HGS: variants seen among roughly 807,000 people sequenced by gnomAD.
HGS encodes the protein human growth factor-regulated tyrosine kinase substrate.
HGS carries 63 observed loss-of-function variants against 109.7 expected under a neutral mutation model. That is an observed-to-expected ratio of 0.57 (90% confidence interval 0.47 to 0.71). HGS has a LOEUF of 0.71. Ranked by LOEUF, HGS falls within the 30% of genes least tolerant of loss-of-function variation. The pLI is 0.00. For synonymous variants in HGS, 546 were observed against 437.3 expected (o/e 1.25, Z -3.10); for missense variants, 995 against 1,068.3 (o/e 0.93, Z 0.96).
chr17:81,685,666 C>T lies in HGS; in HGVS notation c.99C>T (p.Asp33=). ...TDWESILQIC[D]LIRQGDTQAK... ...GGGAGTCCATTTTGCAGATCTGCGA[C>T]CTGATCCGCCAAGGGGACACACAGT... The change falls in exon 2 of 22, where the codon GAC becomes GAT. Residue 33 remains aspartate, a synonymous_variant. Transcript: ENST00000329138. The T allele has an allele frequency of 2.5e-6, 4 of 1,612,354 alleles. No individual in the cohort carries two copies. Among genetic ancestry groups the T allele is most frequent in the Non-Finnish European group, 3.4e-6 (4 of 1,179,368 alleles).
rs770362396 is a variant in HGS, at chr17:81,701,029, C to T, written c.2137-16C>T. On this transcript the variant is annotated splice_polypyrimidine_tract_variant and intron_variant, in intron 20 of 21. Coordinates refer to ENST00000329138, the MANE Select transcript of HGS (RefSeq NM_004712.5). ...CACAGGGCTACTCTCTCACATCTGA[C>T]GTCTTCTCACAACAGAATCTCATGA... is the stretch of plus-strand genomic sequence containing the variant. 1.4e-5 allele frequency: 22 copies of T among 1,608,372 alleles called. No homozygotes were observed. In the South Asian group the frequency reaches 1.9e-4, roughly 14 times the overall value.
At chr17:81,687,984 A>G (rs2037006385) in intron 4 of HGS, among the ~76,000 whole-genome samples, 1 of 152,170 alleles carries the variant, frequency 6.6e-6, no homozygotes, top group Non-Finnish European at 1.5e-5. Flanking sequence ...GAGCTCCTTC[A>G]GTCAGGCTGC....
At position 81,701,036 on chromosome 17, in the gene HGS, T is replaced by C; in HGVS notation, c.2137-9T>C. ...CTACTCTCTCACATCTGACGTCTTC[T>C]CACAACAGAATCTCATGACCACCCT... On this transcript the variant is annotated splice_polypyrimidine_tract_variant and intron_variant, in intron 20 of 21. Transcript: ENST00000329138. 6.2e-7 allele frequency: 1 copy of C among 1,613,010 alleles called. No homozygotes were observed. The highest frequency in any genetic ancestry group is 8.5e-7 in the Non-Finnish European group (1 of 1,179,146).
chr17:81,701,904 G>T lies in HGS; in HGVS notation c.*286G>T, dbSNP rs2037243784. ...GGTCATGGTCTGTGAGAGGTGGCAG[G>T]AATGGGGACCCTCACCCCCCAAGCA... is the stretch of plus-strand genomic sequence containing the variant. On this transcript the variant is annotated 3_prime_UTR_variant, in exon 22 of 22. Transcript: ENST00000329138. 3.1e-6 allele frequency: 1 copy of T among 317,718 alleles called. No individual in the cohort carries two copies. The allele number at this position is 317,718 out of a possible 1,614,324, so 19.7% of individuals were successfully genotyped here.
chr17:81,690,521 G>A, intron 6 of HGS, 153 bp from the exon 7 acceptor site: 1 of 702,342 alleles, frequency 1.4e-6, no homozygotes, highest in African/African-American at 1.8e-5. Context: ...TTCACCCCAG[G>A]CCACGCCGCT....
At chr17:81,693,838 C>G in intron 10 of HGS, 32 bp from the exon 11 acceptor site, 1 of 1,574,592 alleles carries the variant, frequency 6.4e-7, no homozygotes, top group Non-Finnish European at 8.6e-7. Context: ...GTCACGTGCA[C>G]CCAAGTGACG....
intron 18 of HGS, 151 bp downstream of exon 18, chr17:81,697,149 G>A (rs1212825640): frequency 1.8e-5 from 15 of 848,902 alleles, no homozygotes; most frequent in Admixed American, 9.1e-5. Context: ...CCATGCAAAC[G>A]CACTCACACA....
intron 1 of HGS, 61 bp downstream of exon 1, chr17:81,684,164 A>C (rs1004662735): frequency 1.5e-6 from 2 of 1,378,246 alleles, no homozygotes; most frequent in Non-Finnish European, 1.9e-6. Flanking sequence ...CCCGGCGCTG[A>C]GTCAGCGCGG....
At chr17:81,701,375 T>C (rs1351218251) in intron 21 of HGS, 133 bp from the exon 22 acceptor site, 2 of 1,033,734 alleles carry the variant, frequency 1.9e-6, no homozygotes, top group Admixed American at 5.0e-5. Flanking sequence ...CCGCATGAGC[T>C]GGCTGCATGA....
chr17:81,689,649 G>A (rs1398559576), intron 5 of HGS, among the ~76,000 whole-genome samples: 3 of 152,178 alleles, frequency 2.0e-5, no homozygotes, highest in East Asian at 3.8e-4. Flanking sequence ...GGAGTTGGAC[G>A]CTTGCCCTGT....
intron 21 of HGS, 54 bp downstream of exon 21, chr17:81,701,185 A>G (rs961138132): frequency 2.1e-5 from 31 of 1,497,754 alleles, no homozygotes; most frequent in Middle Eastern, 1.7e-4. Context: ...CTCAGGCTTC[A>G]CGGTTTAGCA....
At chr17:81,701,250 A>C in intron 21 of HGS, 119 bp downstream of exon 21, 1 of 948,624 alleles carries the variant, frequency 1.1e-6, no homozygotes, top group Non-Finnish European at 1.6e-6. Context: ...ACAGGGGGAG[A>C]CGCATACCCG....
chr17:81,694,732 TCTGTCGCACTGGGGACATCC>T lies in HGS; in HGVS notation c.937-77_937-58del, dbSNP rs1413433706. On this transcript the variant is annotated intron_variant, in intron 11 of 21. Coordinates refer to ENST00000329138, the MANE Select transcript of HGS (RefSeq NM_004712.5). ...CAGGCTGCGGCTCTGGTCTCCAGGA[TCTGTCGCACTGGGGACATCC>T]CTGTCCCTGCCGAAGCAACTGGCTC... 1.9e-6 allele frequency: 3 copies of T among 1,554,150 alleles called. No individual in the cohort carries two copies. The African/African-American group carries it at 4.1e-5, about 21-fold the overall frequency.
rs1555700946 is a variant in HGS at position 81,701,632 on chromosome 17, C to T, written c.*14C>T. On this transcript the variant is annotated 3_prime_UTR_variant, in exon 22 of 22. Coordinates refer to ENST00000329138, the MANE Select transcript of HGS (RefSeq NM_004712.5). ...TCATTCGACTGACCCAGGCCATGCT[C>T]ACGTCCGGAGTAACACTACATACAG... 9 of 1,547,152 alleles carry T rather than the reference C, an allele frequency of 5.8e-6. No homozygotes were observed. The highest frequency in any genetic ancestry group is 5.6e-5 in the Admixed American group (3 of 53,396).
chr17:81,685,334 G>A (rs1199754800), intron 1 of HGS, among the ~76,000 whole-genome samples: 1 of 152,172 alleles, frequency 6.6e-6, no homozygotes, highest in Non-Finnish European at 1.5e-5. Flanking sequence ...CAGTGCCCTC[G>A]CCTCTCTGCT....
rs754045134 is a variant in HGS, at chr17:81,693,629, C to A, written c.742-25C>A. 5.8e-6 allele frequency: 9 copies of A among 1,548,218 alleles called. No individual in the cohort carries two copies. In the South Asian group the frequency reaches 9.4e-5, roughly 16 times the overall value. On this transcript the variant is annotated intron_variant, in intron 9 of 21. Coordinates refer to ENST00000329138, the MANE Select transcript of HGS (RefSeq NM_004712.5). Reference sequence around the variant, plus strand: ...TGGGCACCTCTTCCCCGGCGCCCCCCCTCACCCTCCCCGCTTGTCCTCAGC... The same window carrying A: ...TGGGCACCTCTTCCCCGGCGCCCCCACTCACCCTCCCCGCTTGTCCTCAGC...
At position 81,701,768 on chromosome 17, in the gene HGS, T is replaced by C; in HGVS notation, c.*150T>C. 8.5e-7 allele frequency: 1 copy of C among 1,170,626 alleles called. No individual in the cohort carries two copies. The highest frequency in any genetic ancestry group is 1.2e-6 in the Non-Finnish European group (1 of 861,958). The allele number at this position is 1,170,626 out of a possible 1,614,324, so 72.5% of individuals were successfully genotyped here. On this transcript the variant is annotated 3_prime_UTR_variant, in exon 22 of 22. Transcript: ENST00000329138. ...GGGGGGCCTTCACCCCAAGCCCACC[T>C]CCCTTGTCCTCAGCCTACTGCAGTC...
In HGS at chr17:81,685,218, C is replaced by T. The variant is rs575268640; in HGVS notation, c.38-387C>T. The stretch of plus-strand genomic sequence containing the variant: ...TTGAAACCGGGAGCATCTGGGCGAA[C>T]GGGGACTCCAAGGGACGGGTGATAG... On this transcript the variant is annotated intron_variant, in intron 1 of 21. Transcript: ENST00000329138. 9 of 268,294 alleles carry T rather than the reference C, an allele frequency of 3.4e-5. No individual in the cohort carries two copies. The South Asian group carries it at 8.4e-4, about 25-fold the overall frequency. 16.6% of individuals were successfully genotyped at this position (268,294 alleles called of 1,614,324 possible).
intron 20 of HGS, 80 bp from the exon 21 acceptor site, chr17:81,700,965 T>G: frequency 6.5e-7 from 1 of 1,543,150 alleles, no homozygotes; most frequent in Non-Finnish European, 9.0e-7. Flanking sequence ...TGGTCACCTT[T>G]GGATTGTTGC....
Sources: allele counts gnomAD v4.1 joint callset (sites outside exome capture counted in the v4.1 genomes callset), GRCh38; gene constraint gnomAD v4.1.1; transcripts MANE v1.5; gene names NCBI Gene and HGNC (gene_info 2026-07-23, HGNC 2026-07-21).